Variants in SPNS2 observed in about 807,000 individuals in gnomAD.
The protein encoded by SPNS2 is SPNS lysolipid transporter 2, sphingosine-1-phosphate, also known as sphingosine-1-phosphate transporter SPNS2.
In SPNS2, 37 loss-of-function variants were observed where a neutral mutation model predicts 57.6. The observed-to-expected ratio is 0.64, with a 90% CI of 0.49 to 0.85. SPNS2 has a LOEUF of 0.85. Ranked by LOEUF, SPNS2 falls within the 40% of genes least tolerant of loss-of-function variation. SPNS2 has a pLI of 0.00. For synonymous variants in SPNS2, 440 were observed against 346.9 expected, an observed-to-expected ratio of 1.27 and a Z score of -2.98; for missense variants, 831 against 779.1, an observed-to-expected ratio of 1.07 and a Z score of -0.79.
intron 3 of SPNS2, among the ~76,000 whole-genome samples, chr17:4,529,657 G>A (rs2144358078): frequency 1.3e-5 from 2 of 151,392 alleles, no homozygotes; most frequent in East Asian, 3.9e-4. Context: ...AGTGACAGAG[G>A]AAGACTCCAT....
In SPNS2 at chr17:4,511,997, T is replaced by C. The variant is rs1904839865; in HGVS notation, c.371-1250T>C. ...CACAGCCTGACTTCCTATGCTCCAG[T>C]TTCCTCATCTGTCAACTTGGATCCT... On this transcript the variant is annotated intron_variant, in intron 1 of 12. Transcript: ENST00000329078. This position sits in a 1 kb window ranked among gnomAD's most constrained non-coding sequence, Gnocchi z 4.6. Among the ~76,000 whole-genome samples, 1 of 152,190 alleles carries C rather than the reference T, an allele frequency of 6.6e-6. No individual in the cohort carries two copies. Among genetic ancestry groups the C allele is most frequent in the Non-Finnish European group, 1.5e-5 (1 of 68,028 alleles).
chr17:4,538,942 A>ATTTTTTAGAGCTGC lies in SPNS2; in HGVS notation c.*1496_*1509dup. The ATTTTTTAGAGCTGC allele has an allele frequency of 1.3e-6, 1 of 784,218 alleles. No homozygotes were observed. The highest frequency in any genetic ancestry group is 2.4e-6 in the Non-Finnish European group (1 of 421,048). 48.6% of individuals were successfully genotyped at this position (784,218 alleles called of 1,614,324 possible). ...CTTCCGGAAGCCAAACTGCTCCTTTATTTTTTAGAGCTGCTGATTGTGAAT... is the reference window on the plus strand; with the variant it reads ...CTTCCGGAAGCCAAACTGCTCCTTTATTTTTTAGAGCTGCTTTTTTAGAGCTGCTGATTGTGAAT... On this transcript the variant is annotated 3_prime_UTR_variant, in exon 13 of 13. Transcript: ENST00000329078.
At chr17:4,509,242 AAGG>A (rs1904767456) in intron 1 of SPNS2, among the ~76,000 whole-genome samples, 2 of 152,104 alleles carry the variant, frequency 1.3e-5, no homozygotes, top group Admixed American at 1.3e-4. Flanking sequence ...CAGAGGAGGA[AAGG>A]AGGTGAGAAT....
At position 4,537,733 on chromosome 17, in the gene SPNS2, G is replaced by A; in HGVS notation, c.*285G>A. The stretch of plus-strand genomic sequence containing the variant: ...GGGCCAAGGAAGAAGACAGCCCCAA[G>A]TGGGTGTCCGGGGAGAGCCTGGCCT... On this transcript the variant is annotated 3_prime_UTR_variant, in exon 13 of 13. Coordinates refer to ENST00000329078, the MANE Select transcript of SPNS2 (RefSeq NM_001124758.3). 2.2e-6 allele frequency: 1 copy of A among 456,760 alleles called. No individual in the cohort carries two copies. The highest frequency in any genetic ancestry group is 4.4e-6 in the Non-Finnish European group (1 of 226,950). 28.3% of individuals were successfully genotyped at this position (456,760 alleles called of 1,614,324 possible).
At chr17:4,507,561 A>C (rs7225939) in intron 1 of SPNS2, among the ~76,000 whole-genome samples, 6,210 of 152,352 alleles carry the variant, frequency 0.041, 336 homozygotes, top group African/African-American at 0.12. Flanking sequence ...ATTACAGAGG[A>C]GGAAACTGGC....
chr17:4,525,267 G>A (rs1032656948), intron 3 of SPNS2, 74 bp downstream of exon 3: 3 of 1,565,270 alleles, frequency 1.9e-6, no homozygotes, highest in East Asian at 4.5e-5. Context: ...TTATTGGCCT[G>A]TTGAAGAATC....
chr17:4,536,344 C>T lies in SPNS2; in HGVS notation c.1525C>T (p.Pro509Ser), dbSNP rs374360936. Residue 509 changes from proline to serine, a missense_variant, in exon 11 of 13, where the codon CCT becomes TCT. By Grantham distance (74) the Pro-to-Ser change is moderately conservative (BLOSUM62 -1). Around this residue, in one of 2 missense-constraint regions of SPNS2, gnomAD observed 526 missense variants for 400.9 expected, o/e 1.31. Coordinates refer to ENST00000329078, the MANE Select transcript of SPNS2 (RefSeq NM_001124758.3). ...LSLGYALMLCPFVVVLGGMFF... is the reference protein window; with the variant it reads ...LSLGYALMLCSFVVVLGGMFF... ...CCTGGGCTACGCGCTCATGCTCTGC[C>T]CTTTCGTCGTGGTCCTGGGCGGCAT... is the stretch of plus-strand genomic sequence containing the variant. The T allele has an allele frequency of 3.8e-5, 61 of 1,611,530 alleles. No homozygotes were observed. The African/African-American group carries it at 5.6e-4, about 15-fold the overall frequency.
chr17:4,520,284 G>A (rs1055506709), intron 2 of SPNS2, among the ~76,000 whole-genome samples: 2 of 152,222 alleles, frequency 1.3e-5, no homozygotes, highest in African/African-American at 4.8e-5. Flanking sequence ...CAGTCCTGGG[G>A]ACTTCTGCCC....
At chr17:4,528,030 CTT>C (rs796081470) in intron 3 of SPNS2, among the ~76,000 whole-genome samples, 1 of 146,622 alleles carries the variant, frequency 6.8e-6, no homozygotes, top group Admixed American at 6.9e-5. Context: ...TGACTCTTTT[CTT>C]TTTTTTTTAG....
At chr17:4,506,098 G>A (rs149409049) in intron 1 of SPNS2, among the ~76,000 whole-genome samples, 466 of 152,268 alleles carry the variant, frequency 3.1e-3, no homozygotes, top group Non-Finnish European at 4.4e-3. Context: ...GGGAGTTGTC[G>A]GGGTGCAGGT....
In SPNS2 at chr17:4,499,324, A is replaced by G; in HGVS notation, c.277A>G (p.Lys93Glu). Residue 93 changes from lysine (K) to glutamate (E), a missense_variant, in exon 1 of 13, where the codon AAA becomes GAA. Lys to Glu is a moderately conservative substitution (Grantham distance 56). Transcript: ENST00000329078. The surrounding 1 kb of genome is among the most constrained non-coding windows in gnomAD (Gnocchi z 5.2). The part of the protein sequence containing the change: ...TAKGPGAQQP[K>E]PASLGRGRGA... ...AAAGGGCCCCGGCGCTCAGCAGCCC[A>G]AACCGGCCAGCTTGGGCCGCGGGCG... 6.7e-7 allele frequency: 1 copy of G among 1,492,476 alleles called. No homozygotes were observed. The allele number at this position is 1,492,476 out of a possible 1,614,324, so 92.5% of individuals were successfully genotyped here.
At chr17:4,527,501 A>T (rs983992245) in intron 3 of SPNS2, among the ~76,000 whole-genome samples, 1 of 152,258 alleles carries the variant, frequency 6.6e-6, no homozygotes, top group African/African-American at 2.4e-5. Context: ...GGGGAAAGTA[A>T]AGCAAAAAGC....
intron 2 of SPNS2, among the ~76,000 whole-genome samples, chr17:4,521,940 T>A (rs2144341134): frequency 6.6e-6 from 1 of 152,362 alleles, no homozygotes; most frequent in East Asian, 1.9e-4. Context: ...GGCTCACCCC[T>A]GTAATCCCAG....
rs1346854650 is a variant in SPNS2, at chr17:4,499,431, C to G, written c.370+14C>G. 5.3e-6 allele frequency: 7 copies of G among 1,308,820 alleles called. No homozygotes were observed. The East Asian group carries it at 1.9e-4, about 35-fold the overall frequency. The allele number at this position is 1,308,820 out of a possible 1,614,324, so 81.1% of individuals were successfully genotyped here. ...ACACCGTGGCAGGTGAGCGAGTGCC[C>G]CACCCAGCCCGAGGACCAAGACCCC... On this transcript the variant is annotated intron_variant, in intron 1 of 12. Coordinates refer to ENST00000329078, the MANE Select transcript of SPNS2 (RefSeq NM_001124758.3). The surrounding 1 kb of genome is among the most constrained non-coding windows in gnomAD (Gnocchi z 5.2).
chr17:4,530,853 C>G, intron 4 of SPNS2, 70 bp downstream of exon 4: 1 of 1,563,494 alleles, frequency 6.4e-7, no homozygotes, highest in Admixed American at 1.8e-5. Context: ...TGAGTTCTCC[C>G]ACTCCCTGGG....
chr17:4,500,891 T>A (rs1467104992), intron 1 of SPNS2, among the ~76,000 whole-genome samples: 2 of 151,550 alleles, frequency 1.3e-5, no homozygotes, highest in African/African-American at 4.8e-5. Context: ...AGTTTCTGGG[T>A]CGAGCTATCC....
At chr17:4,530,157 C>T (rs984981584) in intron 3 of SPNS2, among the ~76,000 whole-genome samples, 3 of 151,624 alleles carry the variant, frequency 2.0e-5, no homozygotes, top group Middle Eastern at 3.2e-3. Flanking sequence ...GCCAACGCCC[C>T]ACTCCCCACT....
intron 1 of SPNS2, among the ~76,000 whole-genome samples, chr17:4,509,968 C>T (rs1255611920): frequency 6.6e-6 from 1 of 152,200 alleles, no homozygotes; most frequent in African/African-American, 2.4e-5. Flanking sequence ...CAAACCTCAG[C>T]CTCCAGGAAA....
At chr17:4,529,424 C>A (rs900753724) in intron 3 of SPNS2, among the ~76,000 whole-genome samples, 7 of 152,068 alleles carry the variant, frequency 4.6e-5, no homozygotes, top group Admixed American at 6.5e-5. Context: ...GATGTGGTGG[C>A]CCACGCCTGT....
Sources: allele counts gnomAD v4.1 joint callset (sites outside exome capture counted in the v4.1 genomes callset), GRCh38; gene constraint gnomAD v4.1.1; regional missense constraint gnomAD v4.1.1; non-coding constraint Gnocchi (gnomAD v3.1); transcripts MANE v1.5; gene names NCBI Gene and HGNC (gene_info 2026-07-23, HGNC 2026-07-21).